PPARG: variants seen among roughly 807,000 people sequenced by gnomAD.
PPARG encodes the protein peroxisome proliferator activated receptor gamma.
In PPARG, 17 loss-of-function variants were observed where a neutral mutation model predicts 39.2. The ratio of observed to expected loss-of-function variants is 0.43; its 90% confidence interval spans 0.30 to 0.65. PPARG has a LOEUF of 0.65. Ranked by LOEUF, PPARG falls within the 30% of genes least tolerant of loss-of-function variation. The pLI is 0.13. For synonymous variants in PPARG, 223 were observed against 215.7 expected, an observed-to-expected ratio of 1.03 and a Z score of -0.30; for missense variants, 406 against 585.9, an observed-to-expected ratio of 0.69 and a Z score of 3.17.
At chr3:12,316,880 T>A (rs982828941) in intron 2 of PPARG, among the ~76,000 whole-genome samples, 1 of 152,102 alleles carries the variant, frequency 6.6e-6, no homozygotes, top group Non-Finnish European at 1.5e-5. Flanking sequence ...GGTTAATTTA[T>A]AACTAAGACA....
At chr3:12,312,829 TTGGC>T (rs2047286282) in intron 2 of PPARG, among the ~76,000 whole-genome samples, 1 of 152,216 alleles carries the variant, frequency 6.6e-6, no homozygotes, top group African/African-American at 2.4e-5. Context: ...TGGTTCCCTA[TTGGC>T]CATGCAGTCA....
intron 2 of PPARG, among the ~76,000 whole-genome samples, chr3:12,328,997 C>G (rs1312985751): frequency 6.6e-6 from 1 of 152,142 alleles, no homozygotes; most frequent in Non-Finnish European, 1.5e-5. Context: ...CTGAGGCCTC[C>G]TAGAGGCTGA....
At chr3:12,295,388 A>AT (rs1287021306) in intron 1 of PPARG, among the ~76,000 whole-genome samples, 1 of 152,168 alleles carries the variant, frequency 6.6e-6, no homozygotes, top group Non-Finnish European at 1.5e-5. Flanking sequence ...ATACCCAGGC[A>AT]TTTGGCAATA....
chr3:12,433,443 C>T (rs902371386), intron 7 of PPARG, among the ~76,000 whole-genome samples: 5 of 150,468 alleles, frequency 3.3e-5, no homozygotes, highest in Non-Finnish European at 7.4e-5. Flanking sequence ...GAGGCTGAGG[C>T]AGGAGAATAG....
At chr3:12,304,467 T>G (rs1210693262) in intron 1 of PPARG, among the ~76,000 whole-genome samples, 10 of 152,224 alleles carry the variant, frequency 6.6e-5, no homozygotes, top group Non-Finnish European at 1.5e-5. Flanking sequence ...CTAGAATGTT[T>G]TTAACTCAAA....
chr3:12,342,970 G>A (rs1191158834), intron 2 of PPARG, among the ~76,000 whole-genome samples: 6 of 152,126 alleles, frequency 3.9e-5, no homozygotes, highest in Admixed American at 1.3e-4. Flanking sequence ...TTTAACATAT[G>A]TAAACTGTAT....
At chr3:12,314,912 A>G (rs1398355482) in intron 2 of PPARG, among the ~76,000 whole-genome samples, 1 of 152,206 alleles carries the variant, frequency 6.6e-6, no homozygotes, top group African/African-American at 2.4e-5. Flanking sequence ...TAATGATCAA[A>G]TCAGGGTAAG....
chr3:12,336,749 G>A lies in PPARG; in HGVS notation c.-9+24296G>A, dbSNP rs180721421. Among the ~76,000 whole-genome samples, 315 of 152,260 alleles carry A rather than the reference G, an allele frequency of 2.1e-3. 1 individual carries two copies. Among genetic ancestry groups the A allele is most frequent in the Non-Finnish European group, 3.3e-3 (227 of 68,008 alleles). On this transcript the variant is annotated intron_variant, in intron 2 of 7. Transcript: ENST00000651735. ...TATGAGCAACTGATTATTTAGCTGG[G>A]AAAAGAAGGTAAGGAAGAAGAATAT...
rs573957484 is a variant in PPARG, at chr3:12,334,828, A to G, written c.-9+22375A>G. The stretch of plus-strand genomic sequence containing the variant: ...CACATTATATACTTTTATCTCTGTT[A>G]TCCTACCATCTAGGTCAATACATTT... On this transcript the variant is annotated intron_variant, in intron 2 of 7. Transcript: ENST00000651735. Among the ~76,000 whole-genome samples, 3 of 152,306 alleles carry G rather than the reference A, an allele frequency of 2.0e-5. No individual in the cohort carries two copies. In the South Asian group the frequency reaches 6.2e-4, roughly 32 times the overall value.
chr3:12,366,177 CATT>C (rs1401626682), intron 2 of PPARG, among the ~76,000 whole-genome samples: 2 of 151,956 alleles, frequency 1.3e-5, no homozygotes, highest in African/African-American at 4.8e-5. Context: ...ACAAAACAGA[CATT>C]ATGAGGAAAA....
intron 2 of PPARG, among the ~76,000 whole-genome samples, chr3:12,377,572 T>G (rs183102840): frequency 1.1e-4 from 17 of 152,324 alleles, no homozygotes; most frequent in Middle Eastern, 3.4e-3. Flanking sequence ...AGGATGCAAT[T>G]AAAGAAGAAG....
At chr3:12,377,537 ATTATT>A (rs1412572917) in intron 2 of PPARG, among the ~76,000 whole-genome samples, 11 of 152,150 alleles carry the variant, frequency 7.2e-5, no homozygotes, top group African/African-American at 2.2e-4. Context: ...TTATTTTTGT[ATTATT>A]TTAAGAACAA....
At chr3:12,425,432 G>T (rs530192288) in intron 7 of PPARG, among the ~76,000 whole-genome samples, 1 of 152,120 alleles carries the variant, frequency 6.6e-6, no homozygotes, top group African/African-American at 2.4e-5. Flanking sequence ...ATGTGCTGTT[G>T]CCATTTCCAG....
intron 2 of PPARG, among the ~76,000 whole-genome samples, chr3:12,373,279 G>A (rs2049285714): frequency 6.6e-6 from 1 of 152,092 alleles, no homozygotes; most frequent in Non-Finnish European, 1.5e-5. Flanking sequence ...GTGTCCCAGA[G>A]TAAAAGGGAA....
chr3:12,298,346 C>T (rs958776417), intron 1 of PPARG, among the ~76,000 whole-genome samples: 1 of 129,484 alleles, frequency 7.7e-6, no homozygotes, highest in African/African-American at 3.1e-5. Flanking sequence ...AAATAGCAAG[C>T]GAGTAGAGGT....
At chr3:12,294,905 A>T (rs980644723) in intron 1 of PPARG, among the ~76,000 whole-genome samples, 4 of 152,228 alleles carry the variant, frequency 2.6e-5, no homozygotes, top group Non-Finnish European at 4.4e-5. Context: ...AAATAATAAT[A>T]ATTATTATTA....
At chr3:12,310,962 G>A (rs371854076) in intron 1 of PPARG, among the ~76,000 whole-genome samples, 15 of 152,194 alleles carry the variant, frequency 9.9e-5, no homozygotes, top group African/African-American at 3.6e-4. Flanking sequence ...GTAAATTGCT[G>A]TGATACTGGT....
At chr3:12,345,718 G>C (rs566651166) in intron 2 of PPARG, among the ~76,000 whole-genome samples, 1 of 152,158 alleles carries the variant, frequency 6.6e-6, no homozygotes, top group Non-Finnish European at 1.5e-5. Context: ...TCAACAGTAC[G>C]TAAATTTCCT....
chr3:12,351,324 A>G, intron 2 of PPARG: 1 of 546,544 alleles, frequency 1.8e-6, no homozygotes, highest in Non-Finnish European at 3.3e-6. Context: ...TTTTCCCTGT[A>G]ATGTACCAAG....
Sources: gnomAD v4.1 joint callset for allele counts (sites outside exome capture counted in the v4.1 genomes callset) on GRCh38, gnomAD v4.1.1 for gene constraint, MANE v1.5 for transcripts, NCBI Gene and HGNC (gene_info 2026-07-23, HGNC 2026-07-21) for gene names.